FNTB: variants seen among roughly 807,000 people sequenced by gnomAD.
FNTB encodes the protein farnesyltransferase, CAAX box, subunit beta.
In FNTB, 27 loss-of-function variants were observed where a neutral mutation model predicts 59.4. The observed-to-expected ratio is 0.45, with a 90% CI of 0.34 to 0.63. The LOEUF (loss-of-function observed/expected upper bound fraction) is 0.63. Among genes scored for constraint, FNTB ranks in the 20% least tolerant of loss-of-function variants. The probability of loss-of-function intolerance (pLI) is 0.02; values close to 1 mark genes in which losing one functional copy is unlikely to be tolerated. For synonymous variants in FNTB, 230 were observed against 220.7 expected, an observed-to-expected ratio of 1.04 and a Z score of -0.37; for missense variants, 449 against 559.6, an observed-to-expected ratio of 0.80 and a Z score of 1.99.
In FNTB at chr14:65,022,818, C is replaced by T. The variant is rs531389377; in HGVS notation, c.375-4635C>T. On this transcript the variant is annotated intron_variant, in intron 4 of 11. Coordinates refer to ENST00000246166, the MANE Select transcript of FNTB (RefSeq NM_002028.4). ...GCATTTTTATTGTTGTTCTTCACAA[C>T]TCGTGGACCCTTATTACTGGTCTTT... is the stretch of plus-strand genomic sequence containing the variant. Among the ~76,000 whole-genome samples the T allele has an allele frequency of 1.7e-4, 26 of 152,254 alleles. 1 individual carries two copies. In the South Asian group the frequency reaches 5.4e-3, roughly 32 times the overall value.
chr14:65,051,584 C>T (rs1425912883), intron 9 of FNTB, among the ~76,000 whole-genome samples: 1 of 151,514 alleles, frequency 6.6e-6, no homozygotes, highest in African/African-American at 2.4e-5. Flanking sequence ...GCCCTCCAAC[C>T]TGGGCAACAG....
In FNTB at chr14:65,027,145, G is replaced by T. The variant is rs187856708; in HGVS notation, c.375-308G>T. Reference sequence around the variant, plus strand: ...AGTGGAAAGTCTGGGAAAGGTTTGTGTGGGAAGCACGGGAGACTCTTACCC... The same window carrying T: ...AGTGGAAAGTCTGGGAAAGGTTTGTTTGGGAAGCACGGGAGACTCTTACCC... On this transcript the variant is annotated intron_variant, in intron 4 of 11. Transcript: ENST00000246166. This position sits in a 1 kb window ranked among gnomAD's most constrained non-coding sequence, Gnocchi z 5.7. 6.6e-6 allele frequency among the ~76,000 whole-genome samples: 1 copy of T among 152,342 alleles called. No homozygotes were observed. The highest frequency in any genetic ancestry group is 1.9e-4 in the East Asian group (1 of 5,190).
intron 7 of FNTB, among the ~76,000 whole-genome samples, chr14:65,036,728 C>G (rs542815587): frequency 6.7e-6 from 1 of 150,250 alleles, no homozygotes; most frequent in African/African-American, 2.5e-5. Flanking sequence ...GAGTCTTGCT[C>G]TGTCACCCAG....
intron 1 of FNTB, among the ~76,000 whole-genome samples, chr14:64,987,748 T>C (rs1183066135): frequency 6.6e-6 from 1 of 152,194 alleles, no homozygotes. Flanking sequence ...AGAATGGATT[T>C]TGGACTACTA....
chr14:64,998,251 C>A (rs1888475797), intron 1 of FNTB, among the ~76,000 whole-genome samples: 1 of 152,148 alleles, frequency 6.6e-6, no homozygotes, highest in African/African-American at 2.4e-5. Flanking sequence ...TTTTATCAAA[C>A]CTTCAACCTA....
Position 65,042,249 on chromosome 14 carries a change from C to T in FNTB, c.822+1330C>T, listed in dbSNP as rs2062370061. Among the ~76,000 whole-genome samples, 3 of 152,076 alleles carry T rather than the reference C, an allele frequency of 2.0e-5. No individual in the cohort carries two copies. The South Asian group carries it at 6.2e-4, about 32-fold the overall frequency. On this transcript the variant is annotated intron_variant, in intron 8 of 11. Transcript: ENST00000246166. ...TCAAGTACATTACATTTATTGTGTA[C>T]TTTATTTCTATTATTACACTGTAAT...
Position 65,009,160 on chromosome 14 carries a change from G to A in FNTB, c.210-3157G>A, listed in dbSNP as rs2061644996. 6.6e-6 allele frequency among the ~76,000 whole-genome samples: 1 copy of A among 152,182 alleles called. No homozygotes were observed. The highest frequency in any genetic ancestry group is 2.1e-4 in the South Asian group (1 of 4,830). On this transcript the variant is annotated intron_variant, in intron 2 of 11. Coordinates refer to ENST00000246166, the MANE Select transcript of FNTB (RefSeq NM_002028.4). This position sits in a 1 kb window ranked among gnomAD's most constrained non-coding sequence, Gnocchi z 4.2. ...GAGGTGAGTTGAGAATGAAGGACCG[G>A]TGAGGGTATTAGTCAGCTTGGGCTG...
chr14:64,988,770 C>T (rs1888062191), intron 1 of FNTB, among the ~76,000 whole-genome samples: 1 of 152,110 alleles, frequency 6.6e-6, no homozygotes, highest in African/African-American at 2.4e-5. Flanking sequence ...GTATGGCAGA[C>T]AGTAAAGAAT....
At chr14:65,003,782 C>G (rs1244245918) in intron 1 of FNTB, 1 of 152,220 alleles carries the variant, frequency 6.6e-6, no homozygotes. Context: ...GAGAGGGAAA[C>G]ACTCTCACAA....
At chr14:65,002,335 G>A (rs111676299) in intron 1 of FNTB, among the ~76,000 whole-genome samples, 5,806 of 152,282 alleles carry the variant, frequency 0.038, 116 homozygotes, top group Middle Eastern at 0.071. Context: ...TTGGCTGGGC[G>A]TGGTGGCTCA....
intron 2 of FNTB, 67 bp downstream of exon 2, chr14:65,004,380 C>T: frequency 1.3e-6 from 2 of 1,525,608 alleles, no homozygotes; most frequent in Non-Finnish European, 1.8e-6. Context: ...TTTCTTCTTT[C>T]CTCCTTGAGC....
At chr14:65,006,411 A>G in intron 2 of FNTB, 1 of 1,413,344 alleles carries the variant, frequency 7.1e-7, no homozygotes. Flanking sequence ...TTGTCATGAG[A>G]TACAGCTAGA....
chr14:65,005,801 T>C (rs1452502176), intron 2 of FNTB, among the ~76,000 whole-genome samples: 5 of 152,040 alleles, frequency 3.3e-5, no homozygotes, highest in Non-Finnish European at 7.4e-5. Context: ...CCTAGCTTAT[T>C]TTATTTTTGT....
chr14:65,048,242 C>T (rs1320694849), intron 9 of FNTB, among the ~76,000 whole-genome samples: 1 of 151,308 alleles, frequency 6.6e-6, no homozygotes, highest in African/African-American at 2.4e-5. Context: ...CTTGGCCACA[C>T]AAAGTGCTGA....
intron 2 of FNTB, among the ~76,000 whole-genome samples, chr14:65,008,934 T>A (rs1424437571): frequency 6.6e-6 from 1 of 152,208 alleles, no homozygotes; most frequent in Non-Finnish European, 1.5e-5. Flanking sequence ...TGTCACCCTC[T>A]GCACAGTGAG....
In FNTB at chr14:65,040,820, G is replaced by C. The variant is rs138149266; in HGVS notation, c.723G>C (p.Gly241=). Residue 241 remains glycine, a synonymous_variant, in exon 8 of 12, where the codon GGG becomes GGC. Transcript: ENST00000246166. ...AGAACTGGGAAGGTGGCATTGGCGG[G>C]GTACCAGGGATGGAAGCCCATGGTG... is the stretch of plus-strand genomic sequence containing the variant. ...RCQNWEGGIG[G]VPGMEAHGGY... The C allele has an allele frequency of 1.4e-4, 220 of 1,613,532 alleles. No individual in the cohort carries two copies. In the African/African-American group the frequency reaches 2.7e-3, roughly 20 times the overall value.
At chr14:65,041,197 C>T (rs1170848847) in intron 8 of FNTB, among the ~76,000 whole-genome samples, 2 of 152,108 alleles carry the variant, frequency 1.3e-5, no homozygotes, top group Non-Finnish European at 2.9e-5. Context: ...ACTTCAGTTT[C>T]GTAGAATTAG....
intron 2 of FNTB, chr14:65,006,066 A>G: frequency 6.9e-7 from 1 of 1,453,732 alleles, no homozygotes; most frequent in Non-Finnish European, 9.3e-7. Flanking sequence ...GAGATCTTCT[A>G]ACAGACTAAA....
At chr14:65,037,623 C>T (rs747358412) in intron 7 of FNTB, among the ~76,000 whole-genome samples, 5 of 149,252 alleles carry the variant, frequency 3.4e-5, no homozygotes, top group African/African-American at 4.9e-5. Context: ...CAAAGCCTCA[C>T]CACATTGCCC....
Sources: gnomAD v4.1 joint callset for allele counts (sites outside exome capture counted in the v4.1 genomes callset) on GRCh38, gnomAD v4.1.1 for gene constraint, Gnocchi (gnomAD v3.1) non-coding constraint, MANE v1.5 for transcripts, NCBI Gene and HGNC (gene_info 2026-07-23, HGNC 2026-07-21) for gene names.